HSH2D: variants seen among roughly 807,000 people sequenced by gnomAD.
The protein encoded by HSH2D is hematopoietic SH2 domain containing.
In HSH2D, 16 loss-of-function variants were observed where a neutral mutation model predicts 21.5. The ratio of observed to expected loss-of-function variants is 0.74; its 90% confidence interval spans 0.50 to 1.13. HSH2D has a LOEUF of 1.13. HSH2D is among the 50% of genes most tolerant of loss of function. HSH2D has a pLI of 0.00. For synonymous variants in HSH2D, 172 were observed against 184.7 expected (o/e 0.93, Z 0.56); for missense variants, 418 against 441.4 (o/e 0.95, Z 0.47).
chr19:16,156,943 G>A (rs1247887579), intron 5 of HSH2D, among the ~76,000 whole-genome samples: 3 of 151,514 alleles, frequency 2.0e-5, no homozygotes, highest in Non-Finnish European at 4.4e-5. Context: ...CCGAGATTGT[G>A]CCACTGCACT....
chr19:16,146,432 T>C (rs1251905701), intron 1 of HSH2D, among the ~76,000 whole-genome samples: 2 of 152,058 alleles, frequency 1.3e-5, no homozygotes, highest in Non-Finnish European at 2.9e-5. Flanking sequence ...TCCCAGTATG[T>C]TGGGAGGCTG....
At chr19:16,152,457 A>C in intron 2 of HSH2D, 95 bp from the exon 3 acceptor site, 1 of 630,464 alleles carries the variant, frequency 1.6e-6, no homozygotes, top group Non-Finnish European at 2.5e-6. Flanking sequence ...GAAAACTACC[A>C]GCCTTCTCCA....
At chr19:16,152,417 CAAAAAAAA>C in intron 2 of HSH2D, 127 bp from the exon 3 acceptor site, 4 of 365,452 alleles carry the variant, frequency 1.1e-5, no homozygotes, top group Non-Finnish European at 1.8e-5. Context: ...GACTCTGTCT[CAAAAAAAA>C]AAAAAAGGAA....
chr19:16,155,598 G>A (rs1039835488), intron 5 of HSH2D: 1 of 152,044 alleles, frequency 6.6e-6, no homozygotes, highest in Non-Finnish European at 1.5e-5. Context: ...GGAGCCAAAG[G>A]AGAGTGTATG....
At position 16,153,055 on chromosome 19, in the gene HSH2D, C is replaced by G. The variant is rs1352552054; in HGVS notation, c.228C>G (p.Ser76Arg). 6.2e-7 allele frequency: 1 copy of G among 1,610,578 alleles called. No homozygotes were observed. The highest frequency in any genetic ancestry group is 1.7e-5 in the Admixed American group (1 of 59,420). Reference protein sequence around the residue: ...GYTLSYKAQSSCCHFMVKLLD... With the variant: ...GYTLSYKAQSRCCHFMVKLLD... ...AGTGTCTCCGCAGAGCCCAAAGCAG[C>G]TGCTGCCATTTCATGGTGAAGCTCT... Residue 76 changes from serine (S) to arginine (R), a missense_variant, in exon 4 of 6, where the codon AGC becomes AGG. Transcript: ENST00000613986.
chr19:16,149,179 G>A (rs943539527), intron 2 of HSH2D, among the ~76,000 whole-genome samples: 12 of 152,092 alleles, frequency 7.9e-5, no homozygotes, highest in Non-Finnish European at 1.3e-4. Context: ...ACCAATCAAC[G>A]ATGGCAGCAT....
At chr19:16,150,372 T>A (rs1203798509) in intron 2 of HSH2D, among the ~76,000 whole-genome samples, 1 of 152,098 alleles carries the variant, frequency 6.6e-6, no homozygotes, top group Non-Finnish European at 1.5e-5. Context: ...AAACCTTGTG[T>A]CTACTGAAAA....
chr19:16,139,941 C>G (rs974597316), upstream of HSH2D: 2 of 152,142 alleles, frequency 1.3e-5, no homozygotes, highest in African/African-American at 4.8e-5. Flanking sequence ...GATTCTGTTG[C>G]GACATCTGAA....
At chr19:16,140,841 T>C (rs1387944377), upstream of HSH2D, among the ~76,000 whole-genome samples, 6 of 151,328 alleles carry the variant, frequency 4.0e-5, no homozygotes, top group African/African-American at 1.5e-4. Flanking sequence ...GAGCTGAGAC[T>C]GCACCACTGC....
intron 2 of HSH2D, among the ~76,000 whole-genome samples, chr19:16,150,227 T>G (rs371806030): frequency 1.3e-5 from 2 of 151,338 alleles, no homozygotes; most frequent in East Asian, 4.0e-4. Flanking sequence ...CTGGACAACA[T>G]AGTGAGACTC....
At chr19:16,142,471 T>G (rs976472142), upstream of HSH2D, among the ~76,000 whole-genome samples, 1 of 152,206 alleles carries the variant, frequency 6.6e-6, no homozygotes, top group Admixed American at 6.6e-5. Flanking sequence ...TCGTTGGTTT[T>G]GTTTTGTTTG....
chr19:16,155,998 G>A (rs963460340), intron 5 of HSH2D, among the ~76,000 whole-genome samples: 5 of 151,870 alleles, frequency 3.3e-5, no homozygotes, highest in Admixed American at 3.3e-4. Flanking sequence ...AGGAAGTGAG[G>A]TGGGGGTGGA....
upstream of HSH2D, among the ~76,000 whole-genome samples, chr19:16,143,229 C>T (rs748496249): frequency 1.3e-5 from 2 of 152,146 alleles, no homozygotes; most frequent in Non-Finnish European, 2.9e-5. Context: ...GGATTACAGG[C>T]GTGCGCCGCC....
intron 1 of HSH2D, among the ~76,000 whole-genome samples, chr19:16,136,539 T>A (rs2090965378): frequency 6.6e-6 from 1 of 152,144 alleles, no homozygotes; most frequent in African/African-American, 2.4e-5. Flanking sequence ...AAGAAATTAT[T>A]TTTTCTAACA....
At chr19:16,144,982 G>T (rs896096224) in intron 1 of HSH2D, among the ~76,000 whole-genome samples, 1 of 150,070 alleles carries the variant, frequency 6.7e-6, no homozygotes, top group South Asian at 2.1e-4. Flanking sequence ...ATGAGCCACC[G>T]CACCTGTCCC....
rs1000042614 is a variant in HSH2D, at chr19:16,136,411, C to T, written c.-324+2176C>T. Among the ~76,000 whole-genome samples, 3 of 152,102 alleles carry T rather than the reference C, an allele frequency of 2.0e-5. No homozygotes were observed. The South Asian group carries it at 6.2e-4, about 32-fold the overall frequency. On this transcript the variant is annotated intron_variant, in intron 1 of 7. Transcript: ENST00000616645. Reference sequence around the variant, plus strand: ...CGGATAAGAGGGAGCTGCCTGGGCCCGAATCCCAGCACCACTCAAGACCCA... The same window carrying T: ...CGGATAAGAGGGAGCTGCCTGGGCCTGAATCCCAGCACCACTCAAGACCCA...
intron 1 of HSH2D, among the ~76,000 whole-genome samples, chr19:16,136,832 A>T (rs186144401): frequency 5.9e-5 from 9 of 152,188 alleles, no homozygotes; most frequent in Non-Finnish European, 1.0e-4. Flanking sequence ...AGTTTTTCAC[A>T]CCCTATGCAA....
At position 16,157,243 on chromosome 19, in the gene HSH2D, A is replaced by G. The variant is rs1014383760; in HGVS notation, c.508A>G (p.Lys170Glu). Residue 170 changes from lysine to glutamate, a missense_variant, in exon 6 of 6, where the codon AAG becomes GAG. Coordinates refer to ENST00000613986, the MANE Select transcript of HSH2D (RefSeq NM_001382417.1). This position sits in a 1 kb window ranked among gnomAD's most constrained non-coding sequence, Gnocchi z 4.4. ...AAAGCCAGTCCTGTGTCACCAATCA[A>G]AGGAAAGGAAGCCGTCAGCAGAGAT... ...SPKPVLCHQS[K>E]ERKPSAEMNR... 1 of 1,570,734 alleles carries G rather than the reference A, an allele frequency of 6.4e-7. No homozygotes were observed. The highest frequency in any genetic ancestry group is 8.6e-7 in the Non-Finnish European group (1 of 1,161,622).
At chr19:16,151,341 A>AAG (rs1301048369) in intron 2 of HSH2D, 33 of 234,534 alleles carry the variant, frequency 1.4e-4, no homozygotes, top group Middle Eastern at 1.9e-3. Context: ...AAAAAAAAAA[A>AAG]AGAGAGAGAG....
Sources: gnomAD v4.1 joint callset for allele counts (sites outside exome capture counted in the v4.1 genomes callset) on GRCh38, gnomAD v4.1.1 for gene constraint, Gnocchi (gnomAD v3.1) non-coding constraint, MANE v1.5 for transcripts, NCBI Gene and HGNC (gene_info 2026-07-23, HGNC 2026-07-21) for gene names.